Variants in ASIC2 observed in about 807,000 individuals in gnomAD.
ASIC2 encodes the protein acid-sensing ion channel 2.
A neutral mutation model predicts 57.3 loss-of-function variants in ASIC2; 25 were observed. The ratio of observed to expected loss-of-function variants is 0.44; its 90% CI spans 0.32 to 0.61. The LOEUF (loss-of-function observed/expected upper bound fraction) is 0.61, where lower values mean the gene tolerates loss of function less well. Among genes scored for constraint, ASIC2 ranks in the 20% least tolerant of loss-of-function variants. ASIC2 has a pLI of 0.06. For synonymous variants in ASIC2, 319 were observed against 307.5 expected (o/e 1.04, Z -0.39); for missense variants, 641 against 738.1 (o/e 0.87, Z 1.52).
rs988455590 is a variant in ASIC2, at chr17:34,092,936, A to G, written c.555+63042T>C. Reference sequence around the variant, plus strand: ...TGTTTTGCATGTTTTCAAACTTTATATCAATGGTATCATAAAATATGCATA... The same window carrying G: ...TGTTTTGCATGTTTTCAAACTTTATGTCAATGGTATCATAAAATATGCATA... On this transcript the variant is annotated intron_variant, in intron 1 of 9. Transcript: ENST00000359872. 3.9e-5 allele frequency among the ~76,000 whole-genome samples: 6 copies of G among 152,306 alleles called. No individual in the cohort carries two copies. In the Middle Eastern group the frequency reaches 0.01, roughly 259 times the overall value.
intron 1 of ASIC2, among the ~76,000 whole-genome samples, chr17:33,990,730 GAGA>G (rs1406741592): frequency 6.6e-6 from 1 of 152,170 alleles, no homozygotes; most frequent in Non-Finnish European, 1.5e-5. Flanking sequence ...AGCGCAATGT[GAGA>G]AGAATTATGC....
intron 1 of ASIC2, among the ~76,000 whole-genome samples, chr17:33,674,902 A>C (rs1907767989): frequency 6.6e-6 from 1 of 152,180 alleles, no homozygotes; most frequent in Admixed American, 6.5e-5. Flanking sequence ...TGGGTAACTC[A>C]TTTCACTTTT....
At chr17:33,201,601 T>G (rs1225030801) in intron 1 of ASIC2, among the ~76,000 whole-genome samples, 1 of 152,222 alleles carries the variant, frequency 6.6e-6, no homozygotes, top group Non-Finnish European at 1.5e-5. Flanking sequence ...AATTTGCATG[T>G]AATTAAAATG....
intron 1 of ASIC2, among the ~76,000 whole-genome samples, chr17:33,519,287 G>A (rs954471381): frequency 3.3e-5 from 5 of 152,180 alleles, no homozygotes; most frequent in Admixed American, 3.3e-4. Flanking sequence ...TAGAAGCAGA[G>A]CGGCTCTGGT....
At chr17:33,374,848 C>G (rs897867207) in intron 1 of ASIC2, among the ~76,000 whole-genome samples, 13 of 152,100 alleles carry the variant, frequency 8.5e-5, no homozygotes, top group Admixed American at 4.6e-4. Context: ...ATATGCTTGA[C>G]AAAGCACTAA....
intron 3 of ASIC2, among the ~76,000 whole-genome samples, chr17:33,030,546 T>C (rs1427080580): frequency 1.3e-5 from 2 of 152,280 alleles, no homozygotes; most frequent in East Asian, 3.9e-4. Flanking sequence ...AGCTAGAAAC[T>C]CCAGTATCAT....
chr17:33,539,794 C>T (rs56244456), intron 1 of ASIC2, among the ~76,000 whole-genome samples: 27,414 of 152,076 alleles, frequency 0.18, 2,534 homozygotes, highest in South Asian at 0.32. Context: ...GAGACAGGCA[C>T]ATAGCAGGGA....
At chr17:33,254,433 G>A (rs1908988103) in intron 1 of ASIC2, among the ~76,000 whole-genome samples, 1 of 152,160 alleles carries the variant, frequency 6.6e-6, no homozygotes, top group East Asian at 1.9e-4. Flanking sequence ...TAATCTGGCT[G>A]AAGCCTTTCC....
chr17:33,728,468 T>C (rs939751316), intron 1 of ASIC2, among the ~76,000 whole-genome samples: 6 of 152,206 alleles, frequency 3.9e-5, no homozygotes, highest in African/African-American at 1.4e-4. Flanking sequence ...TAGCTCTCTC[T>C]TACCAGGTAA....
At chr17:33,183,469 GATGC>G (rs747948063) in intron 1 of ASIC2, among the ~76,000 whole-genome samples, 36 of 152,178 alleles carry the variant, frequency 2.4e-4, no homozygotes, top group Admixed American at 1.4e-3. Context: ...AGAAGTTGCT[GATGC>G]ATGAAAAGAA....
chr17:33,672,877 A>G (rs1285475056), intron 1 of ASIC2, among the ~76,000 whole-genome samples: 5 of 152,182 alleles, frequency 3.3e-5, no homozygotes, highest in African/African-American at 1.2e-4. Flanking sequence ...ACCACCCCAG[A>G]GCTCACTTTC....
At chr17:34,147,399 A>T (rs533167481) in intron 1 of ASIC2, among the ~76,000 whole-genome samples, 1 of 152,342 alleles carries the variant, frequency 6.6e-6, no homozygotes, top group African/African-American at 2.4e-5. Context: ...TCAATAGAGA[A>T]TATATCGAAA....
At chr17:33,926,331 C>A (rs1045412918) in intron 1 of ASIC2, among the ~76,000 whole-genome samples, 1 of 151,970 alleles carries the variant, frequency 6.6e-6, no homozygotes, top group Non-Finnish European at 1.5e-5. Context: ...TGGGACCAGA[C>A]GTATTTTGAA....
chr17:33,514,404 A>C (rs917713317), intron 1 of ASIC2, among the ~76,000 whole-genome samples: 2 of 152,022 alleles, frequency 1.3e-5, no homozygotes, highest in East Asian at 1.9e-4. Context: ...CCTCAACCTC[A>C]TCGCGGTCCT....
chr17:34,132,349 G>C (rs1196463656), intron 1 of ASIC2, among the ~76,000 whole-genome samples: 1 of 152,164 alleles, frequency 6.6e-6, no homozygotes, highest in Non-Finnish European at 1.5e-5. Flanking sequence ...AAACAACAAA[G>C]CTTCCACAGC....
At chr17:33,096,937 CA>C (rs1202675262) in intron 2 of ASIC2, among the ~76,000 whole-genome samples, 7 of 152,228 alleles carry the variant, frequency 4.6e-5, no homozygotes, top group African/African-American at 1.7e-4. Context: ...GGGACAAGGT[CA>C]GAGGCCAGCT....
intron 1 of ASIC2, among the ~76,000 whole-genome samples, chr17:33,686,002 T>TGCATGAGC (rs1908175250): frequency 6.6e-6 from 1 of 152,188 alleles, no homozygotes; most frequent in Non-Finnish European, 1.5e-5. Context: ...ATCGGCCTCC[T>TGCATGAGC]GCATGAGCGT....
chr17:34,076,206 T>C (rs1909645652), intron 1 of ASIC2, among the ~76,000 whole-genome samples: 1 of 152,076 alleles, frequency 6.6e-6, no homozygotes, highest in Non-Finnish European at 1.5e-5. Flanking sequence ...GGTTTCACCA[T>C]GTTGGCCAGG....
At chr17:33,666,773 C>T (rs1907488229) in intron 1 of ASIC2, among the ~76,000 whole-genome samples, 1 of 152,158 alleles carries the variant, frequency 6.6e-6, no homozygotes, top group Non-Finnish European at 1.5e-5. Context: ...GGACAGTGCT[C>T]CCCAGCATGG....
Sources: gnomAD v4.1 joint callset for allele counts (sites outside exome capture counted in the v4.1 genomes callset) on GRCh38, gnomAD v4.1.1 for gene constraint, MANE v1.5 for transcripts, NCBI Gene and HGNC (gene_info 2026-07-23, HGNC 2026-07-21) for gene names.